The following MYCBP2 variants were observed in gnomAD, a reference collection of about 807,000 sequenced individuals.
MYCBP2 encodes the protein MYC binding protein 2, also known as E3 ubiquitin-protein ligase MYCBP2.
In MYCBP2, 120 loss-of-function variants were observed where a neutral mutation model predicts 525.3. That is an observed-to-expected ratio of 0.23 (90% CI 0.20 to 0.27). The LOEUF is 0.27. Among genes scored for constraint, MYCBP2 ranks in the 10% least tolerant of loss-of-function variants. The pLI, the probability that MYCBP2 is intolerant of heterozygous loss-of-function variation, is 1.00. For synonymous variants in MYCBP2, 1,894 were observed against 1,955.8 expected, an observed-to-expected ratio of 0.97 and a Z score of 0.83; for missense variants, 4,149 against 5,657.1, an observed-to-expected ratio of 0.73 and a Z score of 8.55.
intron 1 of MYCBP2, among the ~76,000 whole-genome samples, chr13:77,310,645 T>C (rs58146723): frequency 0.045 from 6,783 of 152,060 alleles, 515 homozygotes; most frequent in African/African-American, 0.15. Context: ...AATAAGAAAT[T>C]GAGTCTGAAA....
chr13:77,316,941 C>CT (rs752591919), intron 1 of MYCBP2, among the ~76,000 whole-genome samples: 1 of 133,578 alleles, frequency 7.5e-6, no homozygotes, highest in African/African-American at 2.5e-5. Context: ...ATGGTGACTT[C>CT]TTTTTTTGTT....
chr13:77,200,263 G>A lies in MYCBP2; in HGVS notation c.3843+4993C>T, dbSNP rs1469830920. On this transcript the variant is annotated intron_variant, in intron 26 of 82. Transcript: ENST00000544440. ...GAAGAATGCAGAAGCCTCAGGAGCC[G>A]ATGAGATCAACTGGAAGAAAGGGTA... 3.9e-5 allele frequency among the ~76,000 whole-genome samples: 6 copies of A among 152,226 alleles called. No homozygotes were observed. In the East Asian group the frequency reaches 7.7e-4, roughly 20 times the overall value.
intron 41 of MYCBP2, 137 bp from the exon 42 acceptor site, chr13:77,165,528 C>A (rs2058431331): frequency 4.8e-6 from 3 of 627,934 alleles, no homozygotes. Context: ...CTTAAATAGA[C>A]TTGCGGCGGG....
chr13:77,263,821 T>G, intron 9 of MYCBP2, 32 bp from the exon 10 acceptor site: 2 of 1,612,028 alleles, frequency 1.2e-6, no homozygotes, highest in Non-Finnish European at 1.7e-6. Flanking sequence ...CAGCATTACA[T>G]TACATAAAGA....
intron 17 of MYCBP2, among the ~76,000 whole-genome samples, chr13:77,235,432 T>C (rs769886186): frequency 6.6e-6 from 1 of 152,116 alleles, no homozygotes; most frequent in Non-Finnish European, 1.5e-5. Context: ...CAATATTGTA[T>C]AGTCATTAAA....
chr13:77,238,904 T>C (rs1174546213), intron 17 of MYCBP2, among the ~76,000 whole-genome samples: 1 of 152,190 alleles, frequency 6.6e-6, no homozygotes, highest in Non-Finnish European at 1.5e-5. Flanking sequence ...GCTGATCACC[T>C]GAGGTCAGAA....
chr13:77,323,445 ATTCT>A (rs1567262566), intron 1 of MYCBP2, among the ~76,000 whole-genome samples: 1 of 152,226 alleles, frequency 6.6e-6, no homozygotes, highest in Admixed American at 6.5e-5. Context: ...TTCCCAGAAC[ATTCT>A]TCCTCTACAT....
intron 80 of MYCBP2, among the ~76,000 whole-genome samples, chr13:77,052,606 G>A (rs1361633404): frequency 6.6e-6 from 1 of 152,202 alleles, no homozygotes; most frequent in Non-Finnish European, 1.5e-5. Context: ...AGAATATTAA[G>A]TAGTAAAAGC....
intron 62 of MYCBP2, among the ~76,000 whole-genome samples, chr13:77,084,788 C>G (rs2043933824): frequency 6.6e-6 from 1 of 152,070 alleles, no homozygotes; most frequent in South Asian, 2.1e-4. Flanking sequence ...CATGCCCAGT[C>G]TAAGAGTGGC....
chr13:77,094,403 C>T (rs2154124008), intron 58 of MYCBP2, among the ~76,000 whole-genome samples: 1 of 152,296 alleles, frequency 6.6e-6, no homozygotes, highest in South Asian at 2.1e-4. Flanking sequence ...CTAGTCTCCA[C>T]ATTAGCTTCC....
chr13:77,237,177 T>G (rs2068045767), intron 17 of MYCBP2, among the ~76,000 whole-genome samples: 1 of 152,180 alleles, frequency 6.6e-6, no homozygotes, highest in Non-Finnish European at 1.5e-5. Flanking sequence ...TTATATAAAC[T>G]ATGGTATAGC....
At chr13:77,064,956 A>T (rs767934111) in intron 72 of MYCBP2, among the ~76,000 whole-genome samples, 1 of 152,186 alleles carries the variant, frequency 6.6e-6, no homozygotes, top group African/African-American at 2.4e-5. Context: ...TAAATAAATA[A>T]AAAATTAAGT....
At chr13:77,321,805 A>T (rs901569712) in intron 1 of MYCBP2, among the ~76,000 whole-genome samples, 5 of 152,194 alleles carry the variant, frequency 3.3e-5, no homozygotes, top group Non-Finnish European at 7.3e-5. Context: ...TAGACAGTAA[A>T]CTCAAGTCTA....
rs764194583 is a variant in MYCBP2 at position 77,081,290 on chromosome 13, T to A, written c.11418+137A>T. ...AATTTGTTTTTAGACTTAAGATTTA[T>A]TTGGGGATTATAGCAATGATGTTTG... is the stretch of plus-strand genomic sequence containing the variant. On this transcript the variant is annotated intron_variant, in intron 65 of 82. Coordinates refer to ENST00000544440, the MANE Select transcript of MYCBP2 (RefSeq NM_015057.5). This position sits in a 1 kb window ranked among gnomAD's most constrained non-coding sequence, Gnocchi z 4.6. The A allele has an allele frequency of 4.1e-6, 3 of 731,382 alleles. No individual in the cohort carries two copies. Among genetic ancestry groups the A allele is most frequent in the Non-Finnish European group, 4.6e-6 (2 of 436,762 alleles). The allele number at this position is 731,382 out of a possible 1,614,324, so 45.3% of individuals were successfully genotyped here. A position where few individuals can be genotyped will look rare whatever the true frequency, so the allele number is the denominator to read the frequency against.
chr13:77,113,281 G>A (rs1387130104), intron 55 of MYCBP2, among the ~76,000 whole-genome samples: 2 of 152,120 alleles, frequency 1.3e-5, no homozygotes, highest in Non-Finnish European at 2.9e-5. Context: ...TGAGCCAGAA[G>A]CTTTCCTATG....
intron 3 of MYCBP2, among the ~76,000 whole-genome samples, chr13:77,279,937 A>G (rs1482060012): frequency 2.6e-5 from 4 of 152,322 alleles, no homozygotes; most frequent in East Asian, 1.9e-4. Flanking sequence ...TATACAAGGA[A>G]CATGTCTTAA....
intron 1 of MYCBP2, among the ~76,000 whole-genome samples, chr13:77,320,329 C>T (rs2081439635): frequency 6.6e-6 from 1 of 152,142 alleles, no homozygotes; most frequent in Non-Finnish European, 1.5e-5. Context: ...CCTGCCACAC[C>T]ACCACTGGAC....
intron 68 of MYCBP2, among the ~76,000 whole-genome samples, chr13:77,076,540 A>G (rs878937970): frequency 1.6e-4 from 25 of 152,346 alleles, no homozygotes; most frequent in South Asian, 4.1e-4. Flanking sequence ...CCCAAGGTAT[A>G]GAGCAAATTT....
chr13:77,068,581 G>A lies in MYCBP2; in HGVS notation c.12155C>T (p.Pro4052Leu). The A allele has an allele frequency of 6.2e-7, 1 of 1,614,106 alleles. No homozygotes were observed. The highest frequency in any genetic ancestry group is 8.5e-7 in the Non-Finnish European group (1 of 1,179,986). Reference protein sequence around the residue: ...DLFSLLHTASPRVQRQVTSLL... With the variant: ...DLFSLLHTASLRVQRQVTSLL... ...ATCAGTCACCTGTCTCTGGACTCTA[G>A]GAGAGGCTGTGTGAAGCAGCGAGAA... The change falls in exon 70 of 83, where the codon CCT becomes CTT. Residue 4052 changes from proline (P) to leucine (L), a missense_variant. By Grantham distance (98) the Pro-to-Leu change is moderately conservative. Coordinates refer to ENST00000544440, the MANE Select transcript of MYCBP2 (RefSeq NM_015057.5).
Sources: allele counts gnomAD v4.1 joint callset (sites outside exome capture counted in the v4.1 genomes callset), GRCh38; gene constraint gnomAD v4.1.1; non-coding constraint Gnocchi (gnomAD v3.1); transcripts MANE v1.5; gene names NCBI Gene and HGNC (gene_info 2026-07-23, HGNC 2026-07-21).